Variants in USP31 observed in about 807,000 individuals in gnomAD.
USP31 encodes ubiquitin specific peptidase 31.
A neutral mutation model predicts 119.4 loss-of-function variants in USP31; 44 were observed. That is an observed-to-expected ratio of 0.37 (90% CI 0.29 to 0.47). The LOEUF (loss-of-function observed/expected upper bound fraction) is 0.47, where lower values mean the gene tolerates loss of function less well. Ranked by LOEUF, USP31 falls within the 20% of genes least tolerant of loss-of-function variation. The pLI, the probability that USP31 is intolerant of heterozygous loss-of-function variation, is 0.99. For missense variants in USP31, 1,643 were observed against 1,730.2 expected (o/e 0.95, Z 0.89); for synonymous variants, 749 against 705.6 (o/e 1.06, Z -0.97).
chr16:23,099,276 C>T (rs1284572630), intron 6 of USP31, among the ~76,000 whole-genome samples: 2 of 152,164 alleles, frequency 1.3e-5, no homozygotes, highest in Admixed American at 6.5e-5. Context: ...GAGATACCAT[C>T]GCACACCAAT....
chr16:23,080,794 A>G (rs902355103), intron 12 of USP31, among the ~76,000 whole-genome samples: 1 of 152,228 alleles, frequency 6.6e-6, no homozygotes, highest in African/African-American at 2.4e-5. Flanking sequence ...CCAGGCATAG[A>G]TATGTCCACC....
intron 1 of USP31, among the ~76,000 whole-genome samples, chr16:23,142,353 G>A (rs532930231): frequency 6.6e-6 from 1 of 152,294 alleles, no homozygotes; most frequent in East Asian, 1.9e-4. Context: ...CTAAGCCTGA[G>A]GAGCAATGGC....
intron 1 of USP31, among the ~76,000 whole-genome samples, chr16:23,117,407 C>T (rs1414748782): frequency 6.6e-6 from 1 of 152,168 alleles, no homozygotes. Flanking sequence ...GCATTCCTCA[C>T]CCAAAAGAAA....
chr16:23,074,403 T>C (rs1366701022), intron 13 of USP31, among the ~76,000 whole-genome samples: 5 of 152,198 alleles, frequency 3.3e-5, no homozygotes, highest in African/African-American at 4.8e-5. Context: ...ATAATATGAA[T>C]AGAAATAACA....
chr16:23,090,668 G>A lies in USP31; in HGVS notation c.1371C>T (p.Val457=), dbSNP rs529937338. Residue 457 remains valine (V), a synonymous_variant, in exon 7 of 16, where the codon GTC becomes GTT. Coordinates refer to ENST00000219689, the MANE Select transcript of USP31 (RefSeq NM_020718.4). Reference sequence around the variant, plus strand: ...TGCAGGCTCGGTTACACACCAACAGGACAATCTTGTCGCTGCCTGCTCTTG... The same window carrying A: ...TGCAGGCTCGGTTACACACCAACAGAACAATCTTGTCGCTGCCTGCTCTTG... ...PTSRAGSDKI[V]LLVCNRACTG... 1.9e-6 allele frequency: 3 copies of A among 1,613,870 alleles called. No individual in the cohort carries two copies. Among genetic ancestry groups the A allele is most frequent in the African/African-American group, 2.7e-5 (2 of 74,906 alleles).
intron 1 of USP31, among the ~76,000 whole-genome samples, chr16:23,119,137 C>G (rs1324627266): frequency 6.7e-6 from 1 of 148,884 alleles, no homozygotes; most frequent in Non-Finnish European, 1.5e-5. Flanking sequence ...CTCGCTTTGT[C>G]CCCCAGGCTG....
intron 1 of USP31, among the ~76,000 whole-genome samples, chr16:23,120,212 A>G (rs937694825): frequency 2.6e-5 from 4 of 152,318 alleles, no homozygotes; most frequent in African/African-American, 7.2e-5. Context: ...TCCAGTCCCA[A>G]TGCAAGTTGG....
chr16:23,115,835 GA>G (rs11386024), intron 1 of USP31: 13,300 of 775,372 alleles, frequency 0.017, no homozygotes, highest in Middle Eastern at 0.021. Flanking sequence ...TTCCCTTAAA[GA>G]AAAAAAAAAA....
intron 1 of USP31, among the ~76,000 whole-genome samples, chr16:23,144,399 T>C (rs1192121438): frequency 6.6e-6 from 1 of 152,020 alleles, no homozygotes; most frequent in African/African-American, 2.4e-5. Flanking sequence ...AATATCTGAA[T>C]GAAATAACGA....
intron 6 of USP31, among the ~76,000 whole-genome samples, chr16:23,101,640 G>C (rs1176600795): frequency 2.0e-5 from 3 of 152,134 alleles, no homozygotes; most frequent in Non-Finnish European, 4.4e-5. Context: ...CCAGTTCCCA[G>C]GTAATACTGA....
chr16:23,148,595 G>A (rs1903601040), intron 1 of USP31, 43 bp downstream of exon 1: 4 of 1,416,300 alleles, frequency 2.8e-6, no homozygotes, highest in Admixed American at 6.7e-5. Context: ...AGGTGCCCCA[G>A]GGGCTCGGGG....
intron 15 of USP31, 56 bp from the exon 16 acceptor site, chr16:23,069,672 C>G: frequency 3.9e-6 from 6 of 1,522,568 alleles, no homozygotes; most frequent in Non-Finnish European, 5.3e-6. Flanking sequence ...ATTCTAACAA[C>G]ACTGTAAGAC....
rs113442101 is a variant in USP31, at chr16:23,148,740, G to A, written c.531C>T (p.Gly177=). ...CCTCGCCCTGGCCCTGCGCGCCGCGGCCCGCAGGCTGCTCCGGGTCAGGCG... is the reference window on the plus strand; with the variant it reads ...CCTCGCCCTGGCCCTGCGCGCCGCGACCCGCAGGCTGCTCCGGGTCAGGCG... ...EPSPDPEQPA[G]RGAQGQGEVT... Residue 177 remains glycine (G), a synonymous_variant, in exon 1 of 16, where the codon GGC becomes GGT. Coordinates refer to ENST00000219689, the MANE Select transcript of USP31 (RefSeq NM_020718.4). 1.7e-3 allele frequency: 2,509 copies of A among 1,491,102 alleles called. 40 individuals carry two copies. The African/African-American group carries it at 0.028, about 17-fold the overall frequency. 92.4% of individuals were successfully genotyped at this position (1,491,102 alleles called of 1,614,324 possible). A position where few individuals can be genotyped will look rare whatever the true frequency, so the allele number is the denominator to read the frequency against.
chr16:23,080,118 G>A lies in USP31; in HGVS notation c.2004C>T (p.Gly668=). The A allele has an allele frequency of 6.2e-7, 1 of 1,601,348 alleles. No homozygotes were observed. Among genetic ancestry groups the A allele is most frequent in the East Asian group, 2.2e-5 (1 of 44,764 alleles). Residue 668 remains glycine (G), a synonymous_variant, in exon 13 of 16, where the codon GGC becomes GGT. Coordinates refer to ENST00000219689, the MANE Select transcript of USP31 (RefSeq NM_020718.4). ...TAACCACGTGAGGTGTCATGTCCAG[G>A]CCAGTCAAGGGGAATTTGACCATGT... ...LQNMVKFPLT[G]LDMTPHVVKR...
At chr16:23,099,664 C>CA (rs1343131804) in intron 6 of USP31, among the ~76,000 whole-genome samples, 51 of 149,870 alleles carry the variant, frequency 3.4e-4, no homozygotes, top group Non-Finnish European at 5.0e-4. Flanking sequence ...GCACAAGGAA[C>CA]AAAAAAAAAT....
chr16:23,087,377 G>A (rs1247632427), intron 8 of USP31, among the ~76,000 whole-genome samples, 191 bp from the exon 9 acceptor site: 2 of 152,150 alleles, frequency 1.3e-5, no homozygotes, highest in African/African-American at 2.4e-5. Flanking sequence ...TGCGATTTAC[G>A]TATCAAATAT....
intron 5 of USP31, 44 bp from the exon 6 acceptor site, chr16:23,102,507 G>C (rs1018597271): frequency 6.3e-7 from 1 of 1,577,926 alleles, no homozygotes; most frequent in East Asian, 2.3e-5. Flanking sequence ...CTGGAAATTC[G>C]ATACTAATTG....
At chr16:23,093,870 T>A (rs1250377299) in intron 6 of USP31, among the ~76,000 whole-genome samples, 1 of 152,192 alleles carries the variant, frequency 6.6e-6, no homozygotes, top group Non-Finnish European at 1.5e-5. Context: ...AGGAATGAAG[T>A]GGATCCGTTC....
rs762464495 is a variant in USP31 at position 23,068,701 on chromosome 16, C to T, written c.3404G>A (p.Gly1135Asp). 1.2e-6 allele frequency: 2 copies of T among 1,613,172 alleles called. No individual in the cohort carries two copies. Among genetic ancestry groups the T allele is most frequent in the African/African-American group, 1.3e-5 (1 of 74,994 alleles). ...TGGGAAAGGGCTCCTTGTGGCAGGG[C>T]CCGAGGCCTTTTTGGCAGATGTGGA... ...ASSTSAKKAS[G>D]PATRSPFPPG... The change falls in exon 16 of 16, where the codon GGC becomes GAC. Residue 1135 changes from glycine (G) to aspartate (D), a missense_variant. Physicochemically the swap from Gly to Asp is moderately conservative, Grantham distance 94 (BLOSUM62 -1). Around this residue, in one of 5 missense-constraint regions of USP31, gnomAD observed 699 missense variants for 650.9 expected, o/e 1.07. Transcript: ENST00000219689.
Sources: allele counts gnomAD v4.1 joint callset (sites outside exome capture counted in the v4.1 genomes callset), GRCh38; gene constraint gnomAD v4.1.1; regional missense constraint gnomAD v4.1.1; transcripts MANE v1.5; gene names NCBI Gene and HGNC (gene_info 2026-07-23, HGNC 2026-07-21).